The following TFPT variants were observed in gnomAD, a reference collection of about 807,000 sequenced individuals.
TFPT encodes TCF3 fusion partner.
Under a neutral mutation model 28.8 loss-of-function variants are expected in TFPT, and 27 were observed. That is an observed-to-expected ratio of 0.94 (90% CI 0.69 to 1.29). TFPT has a LOEUF of 1.29. Among genes scored for constraint, TFPT ranks in the 50% most tolerant of loss-of-function variants. The pLI is 0.00. For missense variants in TFPT, 330 were observed against 338.0 expected, an observed-to-expected ratio of 0.98 and a Z score of 0.19; for synonymous variants, 152 against 142.8, an observed-to-expected ratio of 1.06 and a Z score of -0.46.
intron 1 of TFPT, 171 bp downstream of exon 1, chr19:54,115,076 A>C (rs2073583630): frequency 9.8e-7 from 1 of 1,022,924 alleles, no homozygotes; most frequent in Admixed American, 2.3e-5. Flanking sequence ...CAAACCCCTA[A>C]CCTTCTCCTC....
intron 1 of TFPT, 155 bp downstream of exon 1, chr19:54,115,092 G>T: frequency 1.7e-6 from 2 of 1,181,224 alleles, no homozygotes; most frequent in Non-Finnish European, 2.4e-6. Flanking sequence ...TCCTCCCTCA[G>T]GATGACCCCA....
chr19:54,110,308 T>C (rs587671169), intron 2 of TFPT, among the ~76,000 whole-genome samples, 187 bp from the exon 3 acceptor site: 16 of 152,198 alleles, frequency 1.1e-4, no homozygotes, highest in African/African-American at 3.9e-4. Context: ...TGCCCTCCAG[T>C]GGGGGCCTTC....
chr19:54,107,412 A>C, intron 5 of TFPT: 1 of 535,688 alleles, frequency 1.9e-6, no homozygotes, highest in Non-Finnish European at 3.3e-6. Context: ...ACCAAGCCTA[A>C]CATGTTTTTT....
intron 3 of TFPT, 85 bp downstream of exon 3, chr19:54,109,966 G>A: frequency 7.4e-7 from 1 of 1,351,454 alleles, no homozygotes; most frequent in Non-Finnish European, 1.0e-6. Flanking sequence ...AGGGTTGGGT[G>A]GATGTGGAAG....
chr19:54,108,934 A>T (rs1388852241), intron 3 of TFPT: 8 of 242,126 alleles, frequency 3.3e-5, no homozygotes, highest in Admixed American at 1.0e-4. Context: ...TCACTCTGTC[A>T]CCCAGGCTGG....
rs772390777 is a variant in TFPT at position 54,107,178 on chromosome 19, G to A, written c.643-9C>T. ...TCTTCCTCAACCTTAATCTGCAGGA[G>A]ATAAGGAACAAGGTGTTAACAGGCC... On this transcript the variant is annotated splice_polypyrimidine_tract_variant and intron_variant, in intron 5 of 5. Transcript: ENST00000391759. The A allele has an allele frequency of 2.5e-6, 4 of 1,611,694 alleles. No homozygotes were observed. In the African/African-American group the frequency reaches 5.4e-5, roughly 22 times the overall value.
At position 54,114,685 on chromosome 19, in the gene TFPT, C is replaced by T. The variant is rs767047454; in HGVS notation, c.39G>A (p.Val13=). 3 of 1,613,294 alleles carry T rather than the reference C, an allele frequency of 1.9e-6. No homozygotes were observed. The Admixed American group carries it at 5.0e-5, about 27-fold the overall frequency. ...LEQREGTMAA[V]GFEEFSAPPG... ...GCGGCGCTGAGAACTCCTCAAAGCC[C>T]ACGGCTGCCATGGTCCTGAGAGGCA... The change falls in exon 2 of 6, where the codon GTG becomes GTA. Residue 13 remains valine (V), a synonymous_variant. Transcript: ENST00000391759.
At position 54,115,347 on chromosome 19, in the gene TFPT, C is replaced by T; in HGVS notation, c.-78G>A. ...GTAGGTTAAGCCGTTCGCAAAACTA[C>T]TTGTCCCATCAGGCTCAGCAGCCGA... On this transcript the variant is annotated 5_prime_UTR_variant, in exon 1 of 6. Transcript: ENST00000391759. 1 of 1,604,782 alleles carries T rather than the reference C, an allele frequency of 6.2e-7. No individual in the cohort carries two copies. Among genetic ancestry groups the T allele is most frequent in the Non-Finnish European group, 8.5e-7 (1 of 1,173,452 alleles).
At chr19:54,108,637 C>T (rs1470146283) in intron 3 of TFPT, 32 of 1,482,788 alleles carry the variant, frequency 2.2e-5, no homozygotes, top group African/African-American at 1.4e-4. Context: ...ATGACACCCT[C>T]GGCTGGATGT....
At chr19:54,107,861 A>G (rs2073316547) in intron 5 of TFPT, among the ~76,000 whole-genome samples, 165 bp downstream of exon 5, 1 of 151,292 alleles carries the variant, frequency 6.6e-6, no homozygotes, top group East Asian at 1.9e-4. Context: ...CCCTTCTCCA[A>G]CTTTCCCCAG....
At chr19:54,115,080 T>C in intron 1 of TFPT, 167 bp downstream of exon 1, 2 of 1,052,190 alleles carry the variant, frequency 1.9e-6, no homozygotes, top group Non-Finnish European at 1.4e-6. Flanking sequence ...CCCCTAACCT[T>C]CTCCTCCCTC....
In TFPT at chr19:54,107,084, G is replaced by A; in HGVS notation, c.728C>T (p.Pro243Leu). 1 of 1,613,892 alleles carries A rather than the reference G, an allele frequency of 6.2e-7. No homozygotes were observed. Among genetic ancestry groups the A allele is most frequent in the Non-Finnish European group, 8.5e-7 (1 of 1,179,984 alleles). Residue 243 changes from proline to leucine, a missense_variant, in exon 6 of 6, where the codon CCC (proline) becomes CTC (leucine). Coordinates refer to ENST00000391759, the MANE Select transcript of TFPT (RefSeq NM_013342.4). ...GGCTGGGCTGGCCAGGGTCGGGTAG[G>A]GCAGCAGTTTGTCTGGACCCCGAGA... ...WVSRGPDKLL[P>L]YPTLASPASD is the part of the protein sequence containing the mutation.
In TFPT at chr19:54,110,104, C is replaced by G. The variant is rs768491154; in HGVS notation, c.300G>C (p.Leu100=). The G allele has an allele frequency of 5.9e-5, 95 of 1,614,146 alleles. No homozygotes were observed. Among genetic ancestry groups the G allele is most frequent in the Non-Finnish European group, 7.8e-5 (92 of 1,180,022 alleles). ...REIEQVNERV[L]NRLHQVQRIT... ...TCCTCTGCACCTGATGGAGCCTGTT[C>G]AGGACCCGCTCGTTCACCTATGGGG... The change falls in exon 3 of 6, where the codon CTG becomes CTC. Residue 100 remains leucine, a synonymous_variant. Transcript: ENST00000391759.
At chr19:54,111,684 GAAAA>G (rs56412241) in intron 2 of TFPT, among the ~76,000 whole-genome samples, 4 of 119,476 alleles carry the variant, frequency 3.3e-5, no homozygotes, top group Non-Finnish European at 7.0e-5. Context: ...TGTCTCAAAA[GAAAA>G]AAAAAAAAAA....
chr19:54,114,173 A>C (rs143395796), intron 2 of TFPT, among the ~76,000 whole-genome samples: 482 of 152,260 alleles, frequency 3.2e-3, no homozygotes, highest in Middle Eastern at 0.01. Flanking sequence ...TTGGGCTTTC[A>C]CCTGTGAGCG....
At chr19:54,115,169 A>T in intron 1 of TFPT, 78 bp downstream of exon 1, 1 of 1,606,128 alleles carries the variant, frequency 6.2e-7, no homozygotes, top group Admixed American at 1.7e-5. Context: ...CTCAGCGTAA[A>T]AGCTCATATG....
Position 54,108,412 on chromosome 19 carries a change from G to C in TFPT, c.354-17C>G, listed in dbSNP as rs1277187219. 6.2e-7 allele frequency: 1 copy of C among 1,614,048 alleles called. No individual in the cohort carries two copies. The highest frequency in any genetic ancestry group is 1.7e-5 in the Admixed American group (1 of 59,998). ...ATGAGGAACCTGCTCAGGGGGAGAA[G>C]CCACCAACGGAATAACTTATCTCCT... On this transcript the variant is annotated splice_polypyrimidine_tract_variant and intron_variant, in intron 3 of 5. Coordinates refer to ENST00000391759, the MANE Select transcript of TFPT (RefSeq NM_013342.4).
chr19:54,114,560 G>T lies in TFPT; in HGVS notation c.164C>A (p.Ser55Ter), dbSNP rs1437718116. Reference sequence around the variant, plus strand: ...CTCTTCATCTCGCTCCCGGAGCCCTGAGCCGCCCAGACCACCTGACACAAA... The same window carrying T: ...CTCTTCATCTCGCTCCCGGAGCCCTTAGCCGCCCAGACCACCTGACACAAA... ...VEFVSGGLGG[S>*]GLRERDEEEE... Residue 55 changes from serine to a stop codon, truncating the protein, a stop_gained, in exon 2 of 6, where the codon TCA becomes TAA. Transcript: ENST00000391759. LOFTEE classifies it high-confidence loss of function. 6.2e-7 allele frequency: 1 copy of T among 1,614,102 alleles called. No homozygotes were observed. The highest frequency in any genetic ancestry group is 1.3e-5 in the African/African-American group (1 of 75,038).
intron 5 of TFPT, 93 bp downstream of exon 5, chr19:54,107,933 C>T: frequency 7.4e-7 from 1 of 1,358,934 alleles, no homozygotes. Flanking sequence ...TCAGCCCCAG[C>T]CCTGGCCCCT....
Sources: allele counts gnomAD v4.1 joint callset (sites outside exome capture counted in the v4.1 genomes callset), GRCh38; gene constraint gnomAD v4.1.1; transcripts MANE v1.5; gene names NCBI Gene and HGNC (gene_info 2026-07-23, HGNC 2026-07-21).